The following FBN2 variants were observed in gnomAD, a reference collection of about 807,000 sequenced individuals.
FBN2 encodes fibrillin 2, also known as fibrillin-2.
FBN2 carries 105 observed loss-of-function variants against 355.6 expected under a neutral mutation model. That is an observed-to-expected ratio of 0.30 (90% confidence interval 0.25 to 0.35). The LOEUF (loss-of-function observed/expected upper bound fraction) is 0.35, where lower values mean the gene tolerates loss of function less well. Ranked by LOEUF, FBN2 falls within the 10% of genes least tolerant of loss-of-function variation. The pLI is 1.00. For synonymous variants in FBN2, 1,350 were observed against 1,301.2 expected (o/e 1.04, Z -0.81); for missense variants, 3,280 against 3,758.7 (o/e 0.87, Z 3.33).
chr5:128,514,210 T>C (rs900751743), intron 5 of FBN2, among the ~76,000 whole-genome samples: 7 of 152,232 alleles, frequency 4.6e-5, no homozygotes, highest in Non-Finnish European at 1.0e-4. Context: ...TCATGAATTA[T>C]GGAGTTTAAA....
intron 2 of FBN2, among the ~76,000 whole-genome samples, chr5:128,533,280 AC>A (rs1257582392): frequency 6.6e-6 from 1 of 152,072 alleles, no homozygotes; most frequent in Non-Finnish European, 1.5e-5. Flanking sequence ...GACCCAAAGT[AC>A]CTCCACCCGG....
At chr5:128,387,519 T>C (rs560260387) in intron 11 of FBN2, among the ~76,000 whole-genome samples, 1 of 152,314 alleles carries the variant, frequency 6.6e-6, no homozygotes, top group South Asian at 2.1e-4. Flanking sequence ...GGGGTTGGTT[T>C]GCTCTTATTT....
chr5:128,366,357 T>C lies in FBN2; in HGVS notation c.2302+20A>G. On this transcript the variant is annotated intron_variant, in intron 17 of 64. Transcript: ENST00000262464. The stretch of plus-strand genomic sequence containing the variant: ...ATTATGTCACGTGATTATTATAAAG[T>C]TGAGATTAACTAGAGTTACCTCTTC... The C allele has an allele frequency of 4.9e-6, 7 of 1,440,600 alleles. No homozygotes were observed. Among genetic ancestry groups the C allele is most frequent in the Non-Finnish European group, 6.8e-6 (7 of 1,025,368 alleles). 89.2% of individuals were successfully genotyped at this position (1,440,600 alleles called of 1,614,324 possible).
Position 128,276,002 on chromosome 5 carries a change from G to C in FBN2, c.7594+36C>G, listed in dbSNP as rs368542635. The C allele has an allele frequency of 1.8e-5, 29 of 1,609,676 alleles. 1 individual carries two copies. The highest frequency in any genetic ancestry group is 2.4e-5 in the Non-Finnish European group (28 of 1,176,348). On this transcript the variant is annotated intron_variant, in intron 59 of 64. Coordinates refer to ENST00000262464, the MANE Select transcript of FBN2 (RefSeq NM_001999.4). The stretch of plus-strand genomic sequence containing the variant: ...ATTTAAATTTGAAAGAAAAGATACA[G>C]ACTAGGGTCACGATTGTCAGAGACT...
intron 5 of FBN2, among the ~76,000 whole-genome samples, chr5:128,475,113 A>C (rs984457040): frequency 6.6e-6 from 1 of 152,102 alleles, no homozygotes; most frequent in African/African-American, 2.4e-5. Flanking sequence ...TGGCTCCTGG[A>C]ATTAGAACCT....
intron 5 of FBN2, among the ~76,000 whole-genome samples, chr5:128,494,584 C>A (rs1457497881): frequency 3.9e-5 from 6 of 152,142 alleles, no homozygotes; most frequent in Non-Finnish European, 7.4e-5. Context: ...TGAGGCCTAA[C>A]AGATGGGTGT....
intron 8 of FBN2, among the ~76,000 whole-genome samples, chr5:128,395,570 G>T (rs567923435): frequency 1.2e-4 from 19 of 152,198 alleles, no homozygotes; most frequent in Admixed American, 1.2e-3. Context: ...GCGCACTGTT[G>T]TATGTCACTG....
At chr5:128,270,371 T>A (rs1317163059) in intron 62 of FBN2, among the ~76,000 whole-genome samples, 1 of 151,546 alleles carries the variant, frequency 6.6e-6, no homozygotes, top group Non-Finnish European at 1.5e-5. Flanking sequence ...CTACTAAAAA[T>A]ACAAAAAATG....
At chr5:128,477,534 T>C (rs1047647130) in intron 5 of FBN2, among the ~76,000 whole-genome samples, 1 of 152,216 alleles carries the variant, frequency 6.6e-6, no homozygotes, top group African/African-American at 2.4e-5. Context: ...GTTATATATA[T>C]ATAAAACACA....
intron 36 of FBN2, 95 bp downstream of exon 36, chr5:128,318,054 T>G: frequency 7.5e-7 from 1 of 1,328,766 alleles, no homozygotes; most frequent in Non-Finnish European, 1.1e-6. Flanking sequence ...GTTTTTAAGT[T>G]AACTGTAGCA....
At chr5:128,281,665 T>C (rs898889199) in intron 55 of FBN2, among the ~76,000 whole-genome samples, 9 of 152,170 alleles carry the variant, frequency 5.9e-5, no homozygotes, top group East Asian at 3.9e-4. Context: ...AAAAAATTAG[T>C]GTATGTAGTT....
At chr5:128,491,428 G>A (rs2127126312) in intron 5 of FBN2, among the ~76,000 whole-genome samples, 1 of 152,284 alleles carries the variant, frequency 6.6e-6, no homozygotes, top group Non-Finnish European at 1.5e-5. Context: ...AAACAGTGCT[G>A]GCATCCTTCC....
intron 5 of FBN2, among the ~76,000 whole-genome samples, chr5:128,500,008 G>A (rs1755761957): frequency 6.6e-6 from 1 of 152,122 alleles, no homozygotes; most frequent in Admixed American, 6.5e-5. Flanking sequence ...TTTCTTGATT[G>A]AGTAATATGC....
chr5:128,415,677 G>A lies in FBN2; in HGVS notation c.953-6878C>T, dbSNP rs556407962. Among the ~76,000 whole-genome samples the A allele has an allele frequency of 7.9e-5, 12 of 152,224 alleles. 1 individual carries two copies. In the South Asian group the frequency reaches 2.5e-3, roughly 32 times the overall value. On this transcript the variant is annotated intron_variant, in intron 7 of 64. Transcript: ENST00000262464. Reference sequence around the variant, plus strand: ...TGCTGCTATAAACATGAGGGTGCAGGTGTCCCTCTGATATAATAATTTCCT... The same window carrying A: ...TGCTGCTATAAACATGAGGGTGCAGATGTCCCTCTGATATAATAATTTCCT...
At position 128,391,594 on chromosome 5, in the gene FBN2, T is replaced by A. The variant is rs557796673; in HGVS notation, c.1603+424A>T. ...CAATGATTTTAAGAGTTGAAATGAG[T>A]CTGAGACCGACATATTTGAAAACTA... is the stretch of plus-strand genomic sequence containing the variant. On this transcript the variant is annotated intron_variant, in intron 11 of 64. Coordinates refer to ENST00000262464, the MANE Select transcript of FBN2 (RefSeq NM_001999.4). 7.2e-5 allele frequency among the ~76,000 whole-genome samples: 11 copies of A among 152,256 alleles called. No homozygotes were observed. The East Asian group carries it at 2.1e-3, about 29-fold the overall frequency.
At chr5:128,269,502 A>T (rs1210501318) in intron 62 of FBN2, among the ~76,000 whole-genome samples, 1 of 151,566 alleles carries the variant, frequency 6.6e-6, no homozygotes, top group African/African-American at 2.4e-5. Flanking sequence ...TCAGCCCCAA[A>T]ACTCAAGCTG....
chr5:128,537,219 T>C (rs1365204993), intron 1 of FBN2, 131 bp downstream of exon 1: 2 of 1,435,578 alleles, frequency 1.4e-6, no homozygotes, highest in African/African-American at 2.8e-5. Flanking sequence ...TTGGATATTC[T>C]GGCAAAGGGG....
chr5:128,498,123 T>C (rs1351021649), intron 5 of FBN2, among the ~76,000 whole-genome samples: 2 of 152,154 alleles, frequency 1.3e-5, no homozygotes, highest in African/African-American at 4.8e-5. Flanking sequence ...TTTGCTTCCT[T>C]TGGGGACTCC....
At chr5:128,304,513 T>TA (rs1225823114) in intron 45 of FBN2, among the ~76,000 whole-genome samples, 18 of 152,204 alleles carry the variant, frequency 1.2e-4, no homozygotes, top group Non-Finnish European at 2.2e-4. Flanking sequence ...CAATTTGTTT[T>TA]AAAAAAGTAT....
Sources: gnomAD v4.1 joint callset for allele counts (sites outside exome capture counted in the v4.1 genomes callset) on GRCh38, gnomAD v4.1.1 for gene constraint, MANE v1.5 for transcripts, NCBI Gene and HGNC (gene_info 2026-07-23, HGNC 2026-07-21) for gene names.